Variants in EIF4E observed in about 807,000 individuals in gnomAD.
EIF4E encodes the protein eukaryotic translation initiation factor 4E.
For synonymous variants in EIF4E, 71 were observed against 88.5 expected, an observed-to-expected ratio of 0.80 and a Z score of 1.11; for missense variants, 113 against 265.6, an observed-to-expected ratio of 0.43 and a Z score of 3.99.
At chr4:98,896,486 CAAAAAAAAAAAAA>C (rs59729154) in intron 2 of EIF4E, among the ~76,000 whole-genome samples, 4 of 39,024 alleles carry the variant, frequency 1.0e-4, no homozygotes, top group African/African-American at 4.9e-4. Flanking sequence ...CCGCATCTCT[CAAAAAAAAAAAAA>C]AAAAAAAAAA....
chr4:98,910,734 C>CT (rs201056576), intron 1 of EIF4E, among the ~76,000 whole-genome samples: 19,231 of 144,958 alleles, frequency 0.13, 1,376 homozygotes, highest in African/African-American at 0.19. Flanking sequence ...TGGATGGATT[C>CT]TTTTTTTTTT....
At chr4:98,920,402 G>T (rs1184528360) in intron 1 of EIF4E, among the ~76,000 whole-genome samples, 1 of 151,816 alleles carries the variant, frequency 6.6e-6, no homozygotes, top group Non-Finnish European at 1.5e-5. Context: ...CCAGGTTCAA[G>T]CAATTCTCTT....
In EIF4E at chr4:98,882,832, T is replaced by TA. The variant is rs1008216679; in HGVS notation, c.540-1691dup. Reference sequence around the variant, plus strand: ...AAAAAAATTCTTAATTTAACTCATTTAAAAAAAAAAAAAGTAAATCCTCCA... The same window carrying TA: ...AAAAAAATTCTTAATTTAACTCATTTAAAAAAAAAAAAAAGTAAATCCTCCA... On this transcript the variant is annotated intron_variant, in intron 6 of 6. Coordinates refer to ENST00000450253, the MANE Select transcript of EIF4E (RefSeq NM_001968.5). Among the ~76,000 whole-genome samples the TA allele has an allele frequency of 4.8e-3, 694 of 144,712 alleles. 3 individuals are homozygous for TA. Among genetic ancestry groups the TA allele is most frequent in the African/African-American group, 8.5e-3 (337 of 39,678 alleles). 94.9% of individuals were successfully genotyped at this position (144,712 alleles called of 152,430 possible). A position where few individuals can be genotyped will look rare whatever the true frequency, so the allele number is the denominator to read the frequency against.
At chr4:98,896,486 C>CAAAAA (rs59729154) in intron 2 of EIF4E, among the ~76,000 whole-genome samples, 809 of 38,980 alleles carry the variant, frequency 0.021, 111 homozygotes, top group African/African-American at 0.089. Flanking sequence ...CCGCATCTCT[C>CAAAAA]AAAAAAAAAA....
chr4:98,915,912 A>G (rs1021477531), intron 1 of EIF4E, among the ~76,000 whole-genome samples: 1 of 150,038 alleles, frequency 6.7e-6, no homozygotes, highest in African/African-American at 2.5e-5. Context: ...CCTTCTTAAA[A>G]CTTTGCTTCT....
At chr4:98,888,158 CA>C (rs1560635055) in intron 3 of EIF4E, among the ~76,000 whole-genome samples, 2 of 151,784 alleles carry the variant, frequency 1.3e-5, no homozygotes, top group East Asian at 1.9e-4. Flanking sequence ...GTATAATTTT[CA>C]AAAAAACTTC....
intron 6 of EIF4E, among the ~76,000 whole-genome samples, chr4:98,884,707 C>CTAAATAAA (rs879298153): frequency 6.6e-6 from 1 of 151,572 alleles, no homozygotes; most frequent in Non-Finnish European, 1.5e-5. Flanking sequence ...GACTCTATCT[C>CTAAATAAA]TAAATAAATA....
intron 3 of EIF4E, among the ~76,000 whole-genome samples, chr4:98,890,340 A>C (rs1724095308): frequency 6.6e-6 from 1 of 152,234 alleles, no homozygotes; most frequent in Non-Finnish European, 1.5e-5. Flanking sequence ...GAATATTTAG[A>C]TAACTGCTAG....
chr4:98,901,910 G>A lies in EIF4E; in HGVS notation c.91C>T (p.Pro31Ser). 2 of 1,612,470 alleles carry A rather than the reference G, an allele frequency of 1.2e-6. No individual in the cohort carries two copies. The highest frequency in any genetic ancestry group is 1.7e-6 in the Non-Finnish European group (2 of 1,179,848). ...KTESNQEVAN[P>S]EHYIKHPLQN... ...AGGGGATGTTTAATATAGTGTTCTG[G>A]GTTAGCAACCTCCTGATTAGATTCC... The change falls in exon 2 of 7, where the codon CCA becomes TCA. Residue 31 changes from proline (P) to serine (S), a missense_variant. Physicochemically the swap from Pro to Ser is moderately conservative, Grantham distance 74. Transcript: ENST00000450253.
rs200850855 is a variant in EIF4E, at chr4:98,896,345, G to GT, written c.126-5014dup. On this transcript the variant is annotated intron_variant, in intron 2 of 6. Coordinates refer to ENST00000450253, the MANE Select transcript of EIF4E (RefSeq NM_001968.5). Reference sequence around the variant, plus strand: ...TATGATCATGCCACTGCACGCCAACGTGAGTGATAGAGCAAGACCCTGTCA... The same window carrying GT: ...TATGATCATGCCACTGCACGCCAACGTTGAGTGATAGAGCAAGACCCTGTCA... Among the ~76,000 whole-genome samples the GT allele has an allele frequency of 4.1e-3, 616 of 151,378 alleles. 4 individuals are homozygous for GT. Among genetic ancestry groups the GT allele is most frequent in the African/African-American group, 0.014 (587 of 41,136 alleles).
intron 2 of EIF4E, among the ~76,000 whole-genome samples, chr4:98,901,244 C>T (rs1724635435): frequency 6.6e-6 from 1 of 151,090 alleles, no homozygotes; most frequent in South Asian, 2.1e-4. Context: ...GTTGCCCAGG[C>T]TGGCAGGCAA....
At chr4:98,920,106 G>A (rs1287612469) in intron 1 of EIF4E, among the ~76,000 whole-genome samples, 1 of 152,014 alleles carries the variant, frequency 6.6e-6, no homozygotes, top group Non-Finnish European at 1.5e-5. Flanking sequence ...ATTGTAATTG[G>A]GCAATTTGGA....
rs369619373 is a variant in EIF4E, at chr4:98,885,148, TA to T, written c.400-88del. 2.0e-4 allele frequency: 293 copies of T among 1,461,478 alleles called. 1 individual carries two copies. The highest frequency in any genetic ancestry group is 1.2e-3 in the Middle Eastern group (7 of 5,732). The allele number at this position is 1,461,478 out of a possible 1,614,324, so 90.5% of individuals were successfully genotyped here. On this transcript the variant is annotated intron_variant, in intron 5 of 6. Coordinates refer to ENST00000450253, the MANE Select transcript of EIF4E (RefSeq NM_001968.5). ...GTCTCTTCTGTATTTGCATAGAAACTAAAGGCAGTTTTTAAATCAAGAGTTA... is the reference window on the plus strand; with the variant it reads ...GTCTCTTCTGTATTTGCATAGAAACTAAGGCAGTTTTTAAATCAAGAGTTA...
intron 5 of EIF4E, 48 bp from the exon 6 acceptor site, chr4:98,885,109 A>C (rs910675000): frequency 1.9e-6 from 3 of 1,581,242 alleles, no homozygotes; most frequent in African/African-American, 2.7e-5. Flanking sequence ...AAACAAGCTC[A>C]TTACACTGCA....
At chr4:98,921,908 T>A (rs1725656945) in intron 1 of EIF4E, among the ~76,000 whole-genome samples, 1 of 152,192 alleles carries the variant, frequency 6.6e-6, no homozygotes, top group Non-Finnish European at 1.5e-5. Context: ...TCTTTAGAAA[T>A]CCACAAAGTT....
At chr4:98,914,133 G>A (rs1315684567) in intron 1 of EIF4E, among the ~76,000 whole-genome samples, 2 of 151,276 alleles carry the variant, frequency 1.3e-5, no homozygotes, top group Non-Finnish European at 1.5e-5. Context: ...CGAGGTGGGC[G>A]GATCACGAGG....
chr4:98,918,328 T>C lies in EIF4E; in HGVS notation c.18+10767A>G, dbSNP rs188616354. 1.7e-3 allele frequency among the ~76,000 whole-genome samples: 236 copies of C among 140,110 alleles called. 2 individuals are homozygous for C. The highest frequency in any genetic ancestry group is 6.2e-3 in the African/African-American group (227 of 36,662). The allele number at this position is 140,110 out of a possible 152,430, so 91.9% of individuals were successfully genotyped here. A position where few individuals can be genotyped will look rare whatever the true frequency, so the allele number is the denominator to read the frequency against. ...CAGTGAGCCGAGATTGTCACTGCACTCCAGCCTAGGCAAGAGCAAAGCTCC... is the reference window on the plus strand; with the variant it reads ...CAGTGAGCCGAGATTGTCACTGCACCCCAGCCTAGGCAAGAGCAAAGCTCC... On this transcript the variant is annotated intron_variant, in intron 1 of 6. Coordinates refer to ENST00000450253, the MANE Select transcript of EIF4E (RefSeq NM_001968.5).
At position 98,879,884 on chromosome 4, in the gene EIF4E, T is replaced by G. The variant is rs1014282770; in HGVS notation, c.*1144A>C. On this transcript the variant is annotated 3_prime_UTR_variant, in exon 7 of 7. Coordinates refer to ENST00000450253, the MANE Select transcript of EIF4E (RefSeq NM_001968.5). ...CAATTTAATTCCATATATATGATAC[T>G]ACCTATTCAATTTATTAAAAATTGT... 6.6e-6 allele frequency: 1 copy of G among 152,190 alleles called. No individual in the cohort carries two copies. The highest frequency in any genetic ancestry group is 1.5e-5 in the Non-Finnish European group (1 of 67,992). 9.4% of individuals were successfully genotyped at this position (152,190 alleles called of 1,614,324 possible).
chr4:98,902,672 T>C (rs894969930), intron 1 of EIF4E, among the ~76,000 whole-genome samples: 1 of 152,108 alleles, frequency 6.6e-6, no homozygotes, highest in African/African-American at 2.4e-5. Flanking sequence ...TCAGGAAGGA[T>C]ACAGGATGGA....
Sources: gnomAD v4.1 joint callset for allele counts (sites outside exome capture counted in the v4.1 genomes callset) on GRCh38, gnomAD v4.1.1 for gene constraint, MANE v1.5 for transcripts, NCBI Gene and HGNC (gene_info 2026-07-23, HGNC 2026-07-21) for gene names.